Variants in GALNT13 observed in about 807,000 individuals in gnomAD.
GALNT13 encodes the protein polypeptide N-acetylgalactosaminyltransferase 13.
A neutral mutation model predicts 64.2 loss-of-function variants in GALNT13; 28 were observed. That is an observed-to-expected ratio of 0.44 (90% CI 0.32 to 0.60). GALNT13 has a LOEUF of 0.60. Among genes scored for constraint, GALNT13 ranks in the 20% least tolerant of loss-of-function variants. GALNT13 has a pLI of 0.05. For synonymous variants in GALNT13, 214 were observed against 224.6 expected (o/e 0.95, Z 0.42); for missense variants, 577 against 669.8 (o/e 0.86, Z 1.53).
At chr2:153,319,632 C>T in the GALNT13 span, among the ~76,000 whole-genome samples, 2 of 152,148 alleles carry the variant, frequency 1.3e-5, no homozygotes, top group Admixed American at 1.3e-4. Flanking sequence ...AGATTGTTTC[C>T]ATCCTATATG....
chr2:153,760,964 T>G, the GALNT13 span, among the ~76,000 whole-genome samples: 2 of 152,178 alleles, frequency 1.3e-5, no homozygotes, highest in African/African-American at 4.8e-5. Flanking sequence ...AGATTTATCC[T>G]TAAACATTAT....
chr2:153,766,513 A>G, the GALNT13 span, among the ~76,000 whole-genome samples: 1 of 152,014 alleles, frequency 6.6e-6, no homozygotes, highest in African/African-American at 2.4e-5. Flanking sequence ...AGGCCTCTTG[A>G]TGATGTTCAG....
the GALNT13 span, among the ~76,000 whole-genome samples, chr2:153,141,725 C>A: frequency 6.6e-6 from 1 of 151,982 alleles, no homozygotes; most frequent in Non-Finnish European, 1.5e-5. Flanking sequence ...GACTGTTTTG[C>A]TGGGAGAGGG....
At chr2:153,085,298 A>C in the GALNT13 span, among the ~76,000 whole-genome samples, 1 of 152,238 alleles carries the variant, frequency 6.6e-6, no homozygotes, top group Admixed American at 6.5e-5. Context: ...AGCCTGCTGC[A>C]GAAATTTGCA....
the GALNT13 span, among the ~76,000 whole-genome samples, chr2:153,803,474 C>T: frequency 2.6e-5 from 4 of 152,084 alleles, no homozygotes; most frequent in Admixed American, 1.3e-4. Flanking sequence ...GGGCGGATCA[C>T]GAGGTCAGGA....
At chr2:154,204,744 C>T (rs1246617869) in intron 4 of GALNT13, among the ~76,000 whole-genome samples, 2 of 152,202 alleles carry the variant, frequency 1.3e-5, no homozygotes, top group Non-Finnish European at 2.9e-5. Flanking sequence ...TTGTACTCTA[C>T]TATCTAACCA....
Position 153,872,169 on chromosome 2 carries a change from G to A in GALNT13, c.-311G>A, listed in dbSNP as rs1685993260. 6.6e-6 allele frequency: 1 copy of A among 150,876 alleles called. No homozygotes were observed. Among genetic ancestry groups the A allele is most frequent in the Non-Finnish European group, 1.5e-5 (1 of 67,798 alleles). The allele number at this position is 150,876 out of a possible 1,614,324, so 9.3% of individuals were successfully genotyped here. ...CGCGCGGCGCTCGCGGGCCGGCGCG[G>A]GTTCCAGGTGAGCGCGGACTCGGCG... On this transcript the variant is annotated 5_prime_UTR_variant, in exon 1 of 13. Transcript: ENST00000392825.
intron 3 of GALNT13, among the ~76,000 whole-genome samples, chr2:154,083,963 G>A (rs1458348470): frequency 2.0e-5 from 3 of 151,812 alleles, no homozygotes; most frequent in African/African-American, 7.2e-5. Context: ...TTCATTGATA[G>A]GAAGAGAGAA....
the GALNT13 span, among the ~76,000 whole-genome samples, chr2:153,775,400 T>C: frequency 6.6e-6 from 1 of 152,146 alleles, no homozygotes; most frequent in Admixed American, 6.5e-5. Context: ...CCAGAATTGA[T>C]ATAGAGGTTT....
chr2:154,132,228 T>G (rs913046738), intron 3 of GALNT13, among the ~76,000 whole-genome samples: 1 of 152,158 alleles, frequency 6.6e-6, no homozygotes, highest in Non-Finnish European at 1.5e-5. Context: ...TCATAGTAGG[T>G]AATGTACTGA....
At chr2:153,579,114 C>A in the GALNT13 span, among the ~76,000 whole-genome samples, 1 of 152,140 alleles carries the variant, frequency 6.6e-6, no homozygotes, top group Non-Finnish European at 1.5e-5. Flanking sequence ...AATGGGAAAA[C>A]CTGAAACTCC....
the GALNT13 span, among the ~76,000 whole-genome samples, chr2:153,581,617 T>C: frequency 6.6e-6 from 1 of 152,014 alleles, no homozygotes; most frequent in Non-Finnish European, 1.5e-5. Flanking sequence ...CTGCCTATTG[T>C]TATAAGGAAG....
At chr2:154,232,337 TC>T (rs1239443863) in intron 4 of GALNT13, among the ~76,000 whole-genome samples, 1 of 152,126 alleles carries the variant, frequency 6.6e-6, no homozygotes, top group Non-Finnish European at 1.5e-5. Flanking sequence ...TCTCATAGTG[TC>T]CATAAATTTA....
At chr2:153,842,639 C>T in the GALNT13 span, among the ~76,000 whole-genome samples, 43 of 151,696 alleles carry the variant, frequency 2.8e-4, no homozygotes, top group Middle Eastern at 6.8e-3. Flanking sequence ...CTCAGTTTAT[C>T]CTTCATTTTT....
chr2:154,189,552 A>G (rs1017074008), intron 4 of GALNT13, among the ~76,000 whole-genome samples: 4 of 151,578 alleles, frequency 2.6e-5, no homozygotes, highest in Non-Finnish European at 5.9e-5. Context: ...CTGAGCAGCC[A>G]TGCTGGCACC....
Position 154,138,666 on chromosome 2 carries a change from C to A in GALNT13, c.143-1671C>A, listed in dbSNP as rs548568718. On this transcript the variant is annotated intron_variant, in intron 3 of 12. Coordinates refer to ENST00000392825, the MANE Select transcript of GALNT13 (RefSeq NM_052917.4). ...TTCTTATTTCAGAATTAGAAAGACT[C>A]ACAAAGAAGCCACATATAAATTCAT... Among the ~76,000 whole-genome samples the A allele has an allele frequency of 2.5e-4, 38 of 150,676 alleles. 2 individuals carry two copies. In the South Asian group the frequency reaches 7.9e-3, roughly 32 times the overall value.
At chr2:153,344,389 A>G in the GALNT13 span, among the ~76,000 whole-genome samples, 1 of 152,164 alleles carries the variant, frequency 6.6e-6, no homozygotes, top group East Asian at 1.9e-4. Context: ...AATTTTGGAG[A>G]ATGTTCTTCA....
chr2:154,130,103 T>A (rs2105543937), intron 3 of GALNT13, among the ~76,000 whole-genome samples: 1 of 152,290 alleles, frequency 6.6e-6, no homozygotes. Flanking sequence ...AATTCTTATT[T>A]AATCTAAGCT....
intron 4 of GALNT13, among the ~76,000 whole-genome samples, chr2:154,195,723 A>G (rs1559018090): frequency 6.6e-6 from 1 of 152,088 alleles, no homozygotes; most frequent in Non-Finnish European, 1.5e-5. Context: ...GAAAAAAAAA[A>G]TATTAGCTAT....
Sources: gnomAD v4.1 joint callset for allele counts (sites outside exome capture counted in the v4.1 genomes callset) on GRCh38, gnomAD v4.1.1 for gene constraint, MANE v1.5 for transcripts, NCBI Gene and HGNC (gene_info 2026-07-23, HGNC 2026-07-21) for gene names.